Variants in SLC38A8 observed in about 807,000 individuals in gnomAD.
The protein encoded by SLC38A8 is solute carrier family 38 member 8, also known as amino acid transporter SLC38A8.
Under a neutral mutation model 46.0 loss-of-function variants are expected in SLC38A8, and 65 were observed. The ratio of observed to expected loss-of-function variants is 1.41; its 90% CI spans 1.16 to 1.74. The LOEUF is 1.74. Among genes scored for constraint, SLC38A8 ranks in the 40% most tolerant of loss-of-function variants. The probability of loss-of-function intolerance (pLI) is 0.00; values close to 1 mark genes in which losing one functional copy is unlikely to be tolerated. For missense variants in SLC38A8, 998 were observed against 567.9 expected, an observed-to-expected ratio of 1.76 and a Z score of -7.70; for synonymous variants, 447 against 243.7, an observed-to-expected ratio of 1.83 and a Z score of -7.77.
intron 6 of SLC38A8, among the ~76,000 whole-genome samples, chr16:84,028,715 C>A (rs1421874738): frequency 6.6e-6 from 1 of 150,978 alleles, no homozygotes; most frequent in African/African-American, 2.4e-5. Context: ...ACCTTCCCCC[C>A]AGCGCTGTGC....
chr16:84,033,549 G>A (rs1162849659), intron 3 of SLC38A8, 80 bp from the exon 4 acceptor site: 4 of 1,465,360 alleles, frequency 2.7e-6, no homozygotes, highest in Non-Finnish European at 2.7e-6. Context: ...CTTCAACCCT[G>A]GCTGGGGTTG....
At chr16:84,034,176 C>A (rs567349921) in intron 3 of SLC38A8, among the ~76,000 whole-genome samples, 67 of 152,346 alleles carry the variant, frequency 4.4e-4, no homozygotes, top group African/African-American at 1.5e-3. Context: ...GCACCTCCAA[C>A]TTCTTCCATG....
At chr16:84,029,392 C>A (rs2085210002) in intron 6 of SLC38A8, 102 bp downstream of exon 6, 1 of 1,254,816 alleles carries the variant, frequency 8.0e-7, no homozygotes, top group South Asian at 1.3e-5. Flanking sequence ...GAGAAGTCCT[C>A]AGACGCCTCC....
chr16:84,033,393 C>T lies in SLC38A8; in HGVS notation c.465G>A (p.Leu155=), dbSNP rs746776220. 1.9e-6 allele frequency: 3 copies of T among 1,613,916 alleles called. No homozygotes were observed. Among genetic ancestry groups the T allele is most frequent in the South Asian group, 2.2e-5 (2 of 91,060 alleles). The change falls in exon 4 of 11, where the codon CTG becomes CTA. Residue 155 remains leucine (L), a synonymous_variant. Coordinates refer to ENST00000299709, the MANE Select transcript of SLC38A8 (RefSeq NM_001080442.3). ...GGGGCAGGATGACCAGCACGGAGAGCAGGGGCAGGGTGAAGCGCTGGTCTG... is the reference window on the plus strand; with the variant it reads ...GGGGCAGGATGACCAGCACGGAGAGTAGGGGCAGGGTGAAGCGCTGGTCTG... ...WYADQRFTLP[L]LSVLVILPLS... is the part of the protein sequence containing the mutation.
intron 10 of SLC38A8, among the ~76,000 whole-genome samples, chr16:84,010,984 C>T (rs189592142): frequency 9.5e-4 from 145 of 152,252 alleles, no homozygotes; most frequent in Middle Eastern, 3.4e-3. Flanking sequence ...ATGGGGTAGA[C>T]AAGGAGGTCA....
At chr16:84,038,829 G>C (rs954986816) in intron 2 of SLC38A8, among the ~76,000 whole-genome samples, 3 of 152,174 alleles carry the variant, frequency 2.0e-5, no homozygotes, top group Admixed American at 6.5e-5. Flanking sequence ...TCCGTATCGG[G>C]CGCACAGGCA....
chr16:84,013,975 C>T (rs574854734), intron 9 of SLC38A8, among the ~76,000 whole-genome samples: 4 of 152,126 alleles, frequency 2.6e-5, no homozygotes, highest in African/African-American at 9.6e-5. Flanking sequence ...CCACCCAGAG[C>T]CTGAGTGAGG....
intron 6 of SLC38A8, among the ~76,000 whole-genome samples, chr16:84,024,124 A>G (rs1341663763): frequency 1.3e-5 from 2 of 152,002 alleles, no homozygotes; most frequent in African/African-American, 4.8e-5. Flanking sequence ...AGTTGTGACA[A>G]CCCAAAATGT....
chr16:84,009,727 G>A lies in SLC38A8; in HGVS notation c.*57C>T. 1.4e-6 allele frequency: 2 copies of A among 1,479,250 alleles called. No homozygotes were observed. The highest frequency in any genetic ancestry group is 2.3e-5 in the East Asian group (1 of 43,874). The allele number at this position is 1,479,250 out of a possible 1,614,324, so 91.6% of individuals were successfully genotyped here. On this transcript the variant is annotated 3_prime_UTR_variant, in exon 11 of 11. Coordinates refer to ENST00000299709, the MANE Select transcript of SLC38A8 (RefSeq NM_001080442.3). Reference sequence around the variant, plus strand: ...GGCATCGGTCTCCTGGCTGCATACAGCAGCCACGTAGGGTCAGCCCCCGGA... The same window carrying A: ...GGCATCGGTCTCCTGGCTGCATACAACAGCCACGTAGGGTCAGCCCCCGGA...
At chr16:84,031,397 T>A (rs1019716828) in intron 5 of SLC38A8, among the ~76,000 whole-genome samples, 2 of 152,200 alleles carry the variant, frequency 1.3e-5, no homozygotes, top group African/African-American at 4.8e-5. Flanking sequence ...CTCAAAACAC[T>A]GCCAAGTCTC....
At chr16:84,025,234 T>C (rs1228327882) in intron 6 of SLC38A8, among the ~76,000 whole-genome samples, 2 of 152,036 alleles carry the variant, frequency 1.3e-5, no homozygotes, top group Non-Finnish European at 2.9e-5. Flanking sequence ...TCACACCCAC[T>C]CTCTCACTCC....
rs1032645825 is a variant in SLC38A8 at position 84,033,398 on chromosome 16, G to T, written c.460C>A (p.Pro154Thr). ...AGGATGACCAGCACGGAGAGCAGGGGCAGGGTGAAGCGCTGGTCTGCGTAC... is the reference window on the plus strand; with the variant it reads ...AGGATGACCAGCACGGAGAGCAGGGTCAGGGTGAAGCGCTGGTCTGCGTAC... ...PWYADQRFTL[P>T]LLSVLVILPL... is the part of the protein sequence containing the mutation. Residue 154 changes from proline to threonine, a missense_variant, in exon 4 of 11, where the codon CCC becomes ACC. Transcript: ENST00000299709. 1.9e-6 allele frequency: 3 copies of T among 1,613,846 alleles called. No homozygotes were observed. Among genetic ancestry groups the T allele is most frequent in the Non-Finnish European group, 2.5e-6 (3 of 1,179,954 alleles).
Position 84,033,336 on chromosome 16 carries a change from T to C in SLC38A8, c.522A>G (p.Lys174=). ...LSAPREIAFQ[K]YTSILGTLAA... ...AGCATCCCAGCCCTTACCTTGTGTATTTCTGGAAGGCGATCTCCCGCGGGG... is the reference window on the plus strand; with the variant it reads ...AGCATCCCAGCCCTTACCTTGTGTACTTCTGGAAGGCGATCTCCCGCGGGG... The change falls in exon 4 of 11, where the codon AAA becomes AAG. Residue 174 remains lysine (K), a synonymous_variant. Transcript: ENST00000299709. 1.2e-6 allele frequency: 2 copies of C among 1,613,976 alleles called. No individual in the cohort carries two copies. Among genetic ancestry groups the C allele is most frequent in the Non-Finnish European group, 1.7e-6 (2 of 1,179,978 alleles).
chr16:84,026,550 C>G (rs1485682898), intron 6 of SLC38A8, among the ~76,000 whole-genome samples: 1 of 152,160 alleles, frequency 6.6e-6, no homozygotes, highest in Non-Finnish European at 1.5e-5. Flanking sequence ...TAAGGGGAAG[C>G]AGAGCAGGCC....
At chr16:84,024,620 A>G (rs897688395) in intron 6 of SLC38A8, among the ~76,000 whole-genome samples, 2 of 152,194 alleles carry the variant, frequency 1.3e-5, no homozygotes, top group African/African-American at 4.8e-5. Context: ...GTCTCTACTA[A>G]AAGTATAAAA....
chr16:84,024,417 G>C (rs554549578), intron 6 of SLC38A8, among the ~76,000 whole-genome samples: 1 of 152,038 alleles, frequency 6.6e-6, no homozygotes, highest in African/African-American at 2.4e-5. Flanking sequence ...GAGTTCAAGC[G>C]ACCCTCCTGC....
intron 2 of SLC38A8, among the ~76,000 whole-genome samples, chr16:84,038,590 G>A (rs1013568314): frequency 6.6e-6 from 1 of 152,182 alleles, no homozygotes; most frequent in Non-Finnish European, 1.5e-5. Context: ...CTTGTAGGGT[G>A]AATATTTACA....
At chr16:84,026,370 G>A (rs1299001989) in intron 6 of SLC38A8, among the ~76,000 whole-genome samples, 4 of 152,202 alleles carry the variant, frequency 2.6e-5, no homozygotes, top group African/African-American at 9.7e-5. Flanking sequence ...GGGATTACAG[G>A]CCCGCACCGC....
chr16:84,041,877 C>G, intron 2 of SLC38A8, 92 bp downstream of exon 2: 1 of 1,174,124 alleles, frequency 8.5e-7, no homozygotes, highest in Non-Finnish European at 1.2e-6. Flanking sequence ...TTACAGGACA[C>G]GCAACTCCGC....
Sources: gnomAD v4.1 joint callset for allele counts (sites outside exome capture counted in the v4.1 genomes callset) on GRCh38, gnomAD v4.1.1 for gene constraint, MANE v1.5 for transcripts, NCBI Gene and HGNC (gene_info 2026-07-23, HGNC 2026-07-21) for gene names.